TAF12: variants seen among roughly 807,000 people sequenced by gnomAD.
TAF12 encodes transcription initiation factor TFIID subunit 12.
TAF12 carries 3 observed loss-of-function variants against 20.8 expected under a neutral mutation model. The observed-to-expected ratio is 0.14, with a 90% CI of 0.07 to 0.37. The LOEUF (loss-of-function observed/expected upper bound fraction) is 0.37, where lower values mean the gene tolerates loss of function less well. Ranked by LOEUF, TAF12 falls within the 10% of genes least tolerant of loss-of-function variation. The pLI is 1.00. For synonymous variants in TAF12, 69 were observed against 70.2 expected (o/e 0.98, Z 0.09); for missense variants, 131 against 197.9 (o/e 0.66, Z 2.03).
chr1:28,632,103 T>C (rs569489355), intron 1 of TAF12, among the ~76,000 whole-genome samples: 40 of 152,230 alleles, frequency 2.6e-4, no homozygotes, highest in African/African-American at 8.4e-4. Flanking sequence ...AAATGGTGAA[T>C]AAACAAATTA....
At chr1:28,611,464 T>C (rs1037685753) in intron 4 of TAF12, among the ~76,000 whole-genome samples, 1 of 151,930 alleles carries the variant, frequency 6.6e-6, no homozygotes, top group Non-Finnish European at 1.5e-5. Flanking sequence ...GCAGATGAAA[T>C]TGGTTAAAAT....
chr1:28,645,378 C>G (rs545210622), upstream of TAF12, among the ~76,000 whole-genome samples: 6 of 150,236 alleles, frequency 4.0e-5, no homozygotes, highest in Non-Finnish European at 7.4e-5. Context: ...GACTGGACAC[C>G]CTGGCTCACG....
At chr1:28,610,116 T>G (rs1666802910) in intron 4 of TAF12, among the ~76,000 whole-genome samples, 1 of 151,842 alleles carries the variant, frequency 6.6e-6, no homozygotes, top group African/African-American at 2.4e-5. Flanking sequence ...TAGCTAGGAT[T>G]ACAGGTACCT....
At chr1:28,640,044 T>C (rs565976359) in intron 1 of TAF12, among the ~76,000 whole-genome samples, 6 of 152,292 alleles carry the variant, frequency 3.9e-5, no homozygotes, top group African/African-American at 1.4e-4. Flanking sequence ...GGTTTTGCCA[T>C]GTTGGCCAGG....
intron 4 of TAF12, 51 bp downstream of exon 4, chr1:28,613,196 T>C: frequency 6.7e-7 from 1 of 1,492,484 alleles, no homozygotes; most frequent in Non-Finnish European, 9.1e-7. Context: ...TCCCTGGCAG[T>C]CCTGAAGAAG....
chr1:28,608,079 C>G (rs936218824), intron 4 of TAF12, among the ~76,000 whole-genome samples: 4 of 151,670 alleles, frequency 2.6e-5, no homozygotes, highest in African/African-American at 9.7e-5. Context: ...TGCCTGTAAT[C>G]CGAGCACTTT....
chr1:28,632,833 AC>A (rs1667680060), intron 1 of TAF12, among the ~76,000 whole-genome samples: 2 of 152,148 alleles, frequency 1.3e-5, no homozygotes, highest in South Asian at 2.1e-4. Flanking sequence ...TTATGACTGT[AC>A]CCCATAATAA....
chr1:28,638,733 A>C (rs1667928692), intron 1 of TAF12, among the ~76,000 whole-genome samples: 1 of 149,258 alleles, frequency 6.7e-6, no homozygotes, highest in Non-Finnish European at 1.5e-5. Context: ...TGATCTGCCC[A>C]CATCAGCCTC....
chr1:28,626,910 TC>T (rs1388134453), intron 1 of TAF12, among the ~76,000 whole-genome samples: 2 of 151,784 alleles, frequency 1.3e-5, no homozygotes, highest in East Asian at 3.9e-4. Context: ...AAACTCCATC[TC>T]AAAAAAAAAA....
At chr1:28,608,406 G>A (rs976971996) in intron 4 of TAF12, among the ~76,000 whole-genome samples, 5 of 151,488 alleles carry the variant, frequency 3.3e-5, no homozygotes, top group African/African-American at 1.2e-4. Flanking sequence ...TATTCTCTAC[G>A]AATTGAACTT....
chr1:28,612,577 CAT>C (rs916444068), intron 4 of TAF12, among the ~76,000 whole-genome samples: 2 of 135,680 alleles, frequency 1.5e-5, no homozygotes, highest in Non-Finnish European at 3.3e-5. Flanking sequence ...CATATATATA[CAT>C]ATATATAACA....
intron 1 of TAF12, among the ~76,000 whole-genome samples, chr1:28,640,981 A>T (rs1668010811): frequency 1.3e-5 from 2 of 152,110 alleles, no homozygotes; most frequent in Admixed American, 1.3e-4. Context: ...AGGCAGGAGG[A>T]GTGCTTGAGC....
chr1:28,648,251 T>A (rs1479355665), exon 1 of TAF12: 2 of 985,216 alleles, frequency 2.0e-6, no homozygotes, highest in Non-Finnish European at 2.4e-6. Flanking sequence ...CCTTCTGTCG[T>A]GAGCAGTTGA....
chr1:28,633,595 G>A (rs1667714449), intron 1 of TAF12, among the ~76,000 whole-genome samples: 1 of 150,410 alleles, frequency 6.6e-6, no homozygotes, highest in Non-Finnish European at 1.5e-5. Context: ...TGGCTAACAC[G>A]GTGAAACCCC....
At chr1:28,627,817 TCTGA>T (rs1482742822) in intron 1 of TAF12, among the ~76,000 whole-genome samples, 4 of 152,062 alleles carry the variant, frequency 2.6e-5, no homozygotes, top group African/African-American at 7.2e-5. Context: ...TTTAAATAAT[TCTGA>T]CTAAGCAAAC....
chr1:28,628,504 A>G (rs1356565819), intron 1 of TAF12, among the ~76,000 whole-genome samples: 1 of 152,154 alleles, frequency 6.6e-6, no homozygotes, highest in Non-Finnish European at 1.5e-5. Context: ...GGAGAGGAAT[A>G]GAGACTGGCT....
intron 1 of TAF12, 172 bp downstream of exon 1, chr1:28,642,820 G>A (rs1668082891): frequency 2.0e-6 from 2 of 985,482 alleles, no homozygotes; most frequent in South Asian, 9.4e-5. Context: ...GGTCCCCACA[G>A]CCGCGTCTTC....
intron 1 of TAF12, among the ~76,000 whole-genome samples, chr1:28,638,242 T>C (rs965867391): frequency 2.6e-5 from 4 of 151,774 alleles, no homozygotes; most frequent in Non-Finnish European, 5.9e-5. Flanking sequence ...CAGGCTGGAG[T>C]GCAAAGGGGC....
chr1:28,628,401 C>T (rs556945324), intron 1 of TAF12, among the ~76,000 whole-genome samples: 5 of 151,892 alleles, frequency 3.3e-5, no homozygotes, highest in African/African-American at 9.7e-5. Flanking sequence ...AAAAAAAACA[C>T]ATATTGTACG....
Sources: gnomAD v4.1 joint callset for allele counts (sites outside exome capture counted in the v4.1 genomes callset) on GRCh38, gnomAD v4.1.1 for gene constraint, MANE v1.5 for transcripts, NCBI Gene and HGNC (gene_info 2026-07-23, HGNC 2026-07-21) for gene names.